Variants in NEK5 observed in about 807,000 individuals in gnomAD.
NEK5 encodes the protein NIMA related kinase 5.
Under a neutral mutation model 109.2 loss-of-function variants are expected in NEK5, and 88 were observed. That is an observed-to-expected ratio of 0.81 (90% CI 0.68 to 0.96). The LOEUF (loss-of-function observed/expected upper bound fraction) is 0.96. Ranked by LOEUF, NEK5 falls within the 40% of genes least tolerant of loss-of-function variation. The pLI is 0.00. For missense variants in NEK5, 834 were observed against 920.7 expected (o/e 0.91, Z 1.22); for synonymous variants, 283 against 299.9 (o/e 0.94, Z 0.58).
chr13:52,065,441 T>C, intron 21 of NEK5, 43 bp downstream of exon 21: 2 of 1,614,030 alleles, frequency 1.2e-6, no homozygotes, highest in Non-Finnish European at 1.7e-6. Context: ...GTACGGGTCC[T>C]TGGTCTTCCC....
At chr13:52,082,396 G>T in intron 17 of NEK5, 2 of 1,145,486 alleles carry the variant, frequency 1.7e-6, no homozygotes, top group South Asian at 3.2e-5. Flanking sequence ...AAGCACACTT[G>T]GGCTTCTTAT....
At chr13:52,080,216 G>A (rs1408496197) in intron 17 of NEK5, among the ~76,000 whole-genome samples, 1 of 111,392 alleles carries the variant, frequency 9.0e-6, no homozygotes, top group African/African-American at 2.8e-5. Flanking sequence ...GAGGGAGGTG[G>A]GGGGGGGTCA....
Position 52,072,052 on chromosome 13 carries a change from C to T in NEK5, c.1741G>A (p.Glu581Lys). ...ATGCCATCCTCAAAGGTCAAAGTTT[C>T]ATTTGGTATATCCATTGCCTAAATC... The part of the protein sequence containing the change: ...QEEEAMDIPN[E>K]TLTFEDGMKF... The change falls in exon 20 of 24, where the codon GAA (glutamate) becomes AAA (lysine). Residue 581 changes from glutamate (E) to lysine (K), a missense_variant. Glu to Lys is a moderately conservative substitution (Grantham distance 56). Around this residue, in one of 2 missense-constraint regions of NEK5, gnomAD observed 777 missense variants for 824.7 expected, o/e 0.94. Transcript: ENST00000684899. 6.2e-7 allele frequency: 1 copy of T among 1,611,188 alleles called. No individual in the cohort carries two copies. Among genetic ancestry groups the T allele is most frequent in the Non-Finnish European group, 8.5e-7 (1 of 1,177,542 alleles).
chr13:52,088,911 T>A (rs1388014721), intron 14 of NEK5, among the ~76,000 whole-genome samples: 2 of 151,704 alleles, frequency 1.3e-5, no homozygotes, highest in Admixed American at 6.6e-5. Context: ...GACAACATGG[T>A]GAAACCCTGT....
intron 19 of NEK5, among the ~76,000 whole-genome samples, chr13:52,073,175 A>C (rs1222230930): frequency 6.6e-6 from 1 of 152,238 alleles, no homozygotes; most frequent in African/African-American, 2.4e-5. Flanking sequence ...ATAAAAATTA[A>C]TATTATGAGT....
chr13:52,101,259 G>A (rs1955523660), intron 11 of NEK5, among the ~76,000 whole-genome samples: 1 of 152,128 alleles, frequency 6.6e-6, no homozygotes, highest in Admixed American at 6.5e-5. Flanking sequence ...AATTAGCCGG[G>A]AGTGGTGATG....
intron 22 of NEK5, among the ~76,000 whole-genome samples, chr13:52,054,000 G>C (rs2137703315): frequency 6.6e-6 from 1 of 152,346 alleles, no homozygotes; most frequent in East Asian, 1.9e-4. Flanking sequence ...TTGGCTTAAA[G>C]AAAAAGTAAG....
chr13:52,082,423 A>C, intron 17 of NEK5: 1 of 847,970 alleles, frequency 1.2e-6, no homozygotes, highest in Non-Finnish European at 1.5e-6. Context: ...AATAAATATA[A>C]CTCCTTGGAA....
intron 21 of NEK5, chr13:52,065,244 G>T: frequency 1.7e-6 from 1 of 579,956 alleles, no homozygotes; most frequent in African/African-American, 1.8e-5. Context: ...TCTGAGGAAG[G>T]TGGCATCCTG....
At chr13:52,058,303 G>A (rs1318063723) in intron 22 of NEK5, among the ~76,000 whole-genome samples, 4 of 146,040 alleles carry the variant, frequency 2.7e-5, no homozygotes, top group African/African-American at 1.0e-4. Context: ...AAATAAAAGA[G>A]GATACAAACA....
intron 13 of NEK5, among the ~76,000 whole-genome samples, chr13:52,091,517 CTCT>C (rs1156379619): frequency 6.6e-6 from 1 of 152,186 alleles, no homozygotes; most frequent in Non-Finnish European, 1.5e-5. Context: ...AGAAATTATT[CTCT>C]TATCATTCTT....
At chr13:52,075,966 A>C (rs560076776) in intron 18 of NEK5, 97 bp downstream of exon 18, 391 of 936,410 alleles carry the variant, frequency 4.2e-4, no homozygotes, top group Non-Finnish European at 6.1e-4. Flanking sequence ...CAATTCTATA[A>C]AATACTAGGG....
At chr13:52,116,901 C>T (rs553071497) in intron 4 of NEK5, among the ~76,000 whole-genome samples, 3 of 151,930 alleles carry the variant, frequency 2.0e-5, no homozygotes, top group Non-Finnish European at 4.4e-5. Flanking sequence ...TTGCTTCAAA[C>T]CAATAAAAAC....
At position 52,044,490 on chromosome 13, in the gene NEK5, G is replaced by A. The variant is rs138910695; in HGVS notation, c.2228+5614C>T. On this transcript the variant is annotated intron_variant, in intron 23 of 23. Transcript: ENST00000684899. ...GCCCAAATCTGGAAACAACATAAAC[G>A]TCCCCAACAGGTGAATCTACAAACA... Among the ~76,000 whole-genome samples the A allele has an allele frequency of 5.0e-3, 756 of 152,152 alleles. 2 individuals carry two copies. The highest frequency in any genetic ancestry group is 0.017 in the African/African-American group (707 of 41,508).
chr13:52,082,391 C>T (rs751909303), intron 17 of NEK5: 28 of 1,153,872 alleles, frequency 2.4e-5, no homozygotes, highest in Non-Finnish European at 2.8e-5. Flanking sequence ...AATAAAAGCA[C>T]ACTTGGGCTT....
At chr13:52,112,141 A>G in intron 5 of NEK5, 127 bp downstream of exon 5, 1 of 475,508 alleles carries the variant, frequency 2.1e-6, no homozygotes, top group Non-Finnish European at 3.8e-6. Flanking sequence ...CCACTATTTT[A>G]TGGTTTCAAT....
chr13:52,063,943 G>A (rs1954640072), intron 21 of NEK5, among the ~76,000 whole-genome samples: 1 of 148,796 alleles, frequency 6.7e-6, no homozygotes, highest in Non-Finnish European at 1.5e-5. Flanking sequence ...GTCCGGGAGG[G>A]AGGTGGGGGG....
intron 12 of NEK5, among the ~76,000 whole-genome samples, chr13:52,095,928 G>A (rs1025074405): frequency 3.9e-5 from 6 of 152,110 alleles, no homozygotes; most frequent in African/African-American, 7.2e-5. Flanking sequence ...GTTGGGAGAC[G>A]AGGCCTGGTA....
chr13:52,080,366 C>T (rs1279153091), intron 17 of NEK5, among the ~76,000 whole-genome samples: 2 of 151,692 alleles, frequency 1.3e-5, no homozygotes, highest in East Asian at 2.0e-4. Flanking sequence ...CCCCTCTGCC[C>T]GGCCACCACC....
Sources: gnomAD v4.1 joint callset for allele counts (sites outside exome capture counted in the v4.1 genomes callset) on GRCh38, gnomAD v4.1.1 for gene constraint, gnomAD v4.1.1 regional missense constraint, MANE v1.5 for transcripts, NCBI Gene and HGNC (gene_info 2026-07-23, HGNC 2026-07-21) for gene names.